Variants in TRAPPC9 observed in about 807,000 individuals in gnomAD.
TRAPPC9 encodes IKK2 binding protein.
Under a neutral mutation model 124.0 loss-of-function variants are expected in TRAPPC9, and 83 were observed. The observed-to-expected ratio is 0.67, with a 90% CI of 0.56 to 0.80. TRAPPC9 has a LOEUF of 0.80. TRAPPC9 is among the 30% of genes least tolerant of loss of function. TRAPPC9 has a pLI of 0.00. For synonymous variants in TRAPPC9, 638 were observed against 617.5 expected, an observed-to-expected ratio of 1.03 and a Z score of -0.49; for missense variants, 1,302 against 1,508.3, an observed-to-expected ratio of 0.86 and a Z score of 2.27.
chr8:140,324,790 TA>T (rs2066695182), intron 9 of TRAPPC9, among the ~76,000 whole-genome samples: 1 of 152,092 alleles, frequency 6.6e-6, no homozygotes, highest in Non-Finnish European at 1.5e-5. Flanking sequence ...AAGTGAAATT[TA>T]AAAACTTTTT....
rs75987115 is a variant in TRAPPC9, at chr8:140,291,308, C to T, written c.1769-230G>A. ...GCCACATGAATGGCGCTTGTCACTG[C>T]CTTCGGCGGGCTGCATTCATGCTGG... is the stretch of plus-strand genomic sequence containing the variant. On this transcript the variant is annotated intron_variant, in intron 11 of 22. Transcript: ENST00000438773. 2,731 of 592,328 alleles carry T rather than the reference C, an allele frequency of 4.6e-3. 55 individuals carry two copies. Among genetic ancestry groups the T allele is most frequent in the African/African-American group, 0.046 (2,466 of 54,138 alleles). The allele number at this position is 592,328 out of a possible 1,614,324, so 36.7% of individuals were successfully genotyped here.
intron 17 of TRAPPC9, among the ~76,000 whole-genome samples, chr8:140,101,541 G>GTTTTTTTTT (rs11387005): frequency 1.7e-5 from 2 of 114,954 alleles, no homozygotes; most frequent in Non-Finnish European, 3.3e-5. Context: ...TCTTTTTTTT[G>GTTTTTTTTT]TTTTTTTTTT....
intron 21 of TRAPPC9, among the ~76,000 whole-genome samples, chr8:139,869,988 C>G (rs1283556030): frequency 6.6e-6 from 1 of 151,670 alleles, no homozygotes; most frequent in African/African-American, 2.4e-5. Context: ...AATATGCAAC[C>G]CACAGGTAGA....
chr8:139,750,153 A>G (rs115199175), intron 21 of TRAPPC9, among the ~76,000 whole-genome samples: 2,067 of 152,200 alleles, frequency 0.014, 40 homozygotes, highest in African/African-American at 0.047. Flanking sequence ...TCAGTCCTGA[A>G]GCATCCACCA....
chr8:139,925,705 G>A (rs990885212), intron 19 of TRAPPC9, among the ~76,000 whole-genome samples: 8 of 150,442 alleles, frequency 5.3e-5, no homozygotes, highest in Non-Finnish European at 8.8e-5. Flanking sequence ...CTGAGATCAC[G>A]TCACTGCACT....
chr8:139,791,784 T>C (rs757857658), intron 21 of TRAPPC9, among the ~76,000 whole-genome samples: 4 of 152,140 alleles, frequency 2.6e-5, no homozygotes, highest in Non-Finnish European at 4.4e-5. Context: ...TGCTGGCACA[T>C]TAGAACCCCA....
intron 17 of TRAPPC9, among the ~76,000 whole-genome samples, chr8:140,046,847 C>T (rs1181306746): frequency 2.0e-5 from 3 of 151,026 alleles, no homozygotes; most frequent in African/African-American, 7.3e-5. Flanking sequence ...CTTAGCTCCA[C>T]AAGCAACCAA....
At chr8:139,823,875 C>G (rs923785519) in intron 21 of TRAPPC9, among the ~76,000 whole-genome samples, 1 of 152,344 alleles carries the variant, frequency 6.6e-6, no homozygotes, top group African/African-American at 2.4e-5. Flanking sequence ...CAAGCCCACA[C>G]CTGCTCCCTC....
Position 140,073,390 on chromosome 8 carries a change from A to G in TRAPPC9, c.2557-49311T>C, listed in dbSNP as rs78422086. ...ATTGAGCAATAAAAAGAAATGAACT[A>G]CTGATACAACAACTGGGATAATCTC... On this transcript the variant is annotated intron_variant, in intron 17 of 22. Coordinates refer to ENST00000438773, the MANE Select transcript of TRAPPC9 (RefSeq NM_001160372.4). Among the ~76,000 whole-genome samples the G allele has an allele frequency of 2.2e-3, 331 of 152,376 alleles. 8 individuals carry two copies. The East Asian group carries it at 0.056, about 26-fold the overall frequency.
intron 9 of TRAPPC9, among the ~76,000 whole-genome samples, chr8:140,329,675 C>T (rs1291738916): frequency 1.3e-5 from 2 of 152,168 alleles, no homozygotes; most frequent in African/African-American, 2.4e-5. Flanking sequence ...GCTCTTTCTA[C>T]CATATTAAGC....
intron 17 of TRAPPC9, among the ~76,000 whole-genome samples, chr8:140,185,161 G>A (rs4478550): frequency 0.086 from 13,107 of 152,136 alleles, 1,451 homozygotes; most frequent in African/African-American, 0.26. Flanking sequence ...CGCTGAGTAC[G>A]GTAGAAGACA....
intron 17 of TRAPPC9, among the ~76,000 whole-genome samples, chr8:140,055,349 G>A (rs912537677): frequency 2.0e-5 from 3 of 152,116 alleles, no homozygotes; most frequent in Non-Finnish European, 1.5e-5. Context: ...CAACGAGCCA[G>A]GAATGGGAAG....
chr8:140,249,709 T>C (rs961622455), intron 16 of TRAPPC9, among the ~76,000 whole-genome samples: 2 of 149,726 alleles, frequency 1.3e-5, no homozygotes, highest in African/African-American at 4.9e-5. Context: ...GTTCACGCCA[T>C]TCTCCCACCT....
At chr8:139,872,116 A>G (rs1399899017) in intron 21 of TRAPPC9, among the ~76,000 whole-genome samples, 9 of 117,886 alleles carry the variant, frequency 7.6e-5, no homozygotes, top group African/African-American at 1.3e-4. Context: ...GGATGGATGG[A>G]TGGGTGGGCT....
intron 16 of TRAPPC9, among the ~76,000 whole-genome samples, chr8:140,225,517 A>G (rs2063428782): frequency 6.6e-6 from 1 of 152,176 alleles, no homozygotes; most frequent in Admixed American, 6.5e-5. Context: ...CATTTCTCTC[A>G]GCACCATGGA....
chr8:140,246,322 T>C (rs947960297), intron 16 of TRAPPC9, among the ~76,000 whole-genome samples: 1 of 152,204 alleles, frequency 6.6e-6, no homozygotes, highest in African/African-American at 2.4e-5. Flanking sequence ...TGGTTATTTT[T>C]CTCTGAGTGA....
At position 140,063,330 on chromosome 8, in the gene TRAPPC9, C is replaced by T. The variant is rs7830243; in HGVS notation, c.2557-39251G>A. Among the ~76,000 whole-genome samples, 3,241 of 152,320 alleles carry T rather than the reference C, an allele frequency of 0.021. 110 individuals are homozygous for T. Among genetic ancestry groups the T allele is most frequent in the African/African-American group, 0.073 (3,031 of 41,552 alleles). On this transcript the variant is annotated intron_variant, in intron 17 of 22. Coordinates refer to ENST00000438773, the MANE Select transcript of TRAPPC9 (RefSeq NM_001160372.4). The surrounding 1 kb of genome is among the most constrained non-coding windows in gnomAD (Gnocchi z 4.3). Reference sequence around the variant, plus strand: ...TGGCCTTCCGCTTCCTGTGCTCTCACCTCACGTCACCACGCAGTCAATTCT... The same window carrying T: ...TGGCCTTCCGCTTCCTGTGCTCTCATCTCACGTCACCACGCAGTCAATTCT...
At chr8:140,071,442 C>T (rs1843153550) in intron 17 of TRAPPC9, among the ~76,000 whole-genome samples, 1 of 152,202 alleles carries the variant, frequency 6.6e-6, no homozygotes, top group Non-Finnish European at 1.5e-5. Context: ...AGGCACTTTC[C>T]CTGGAAGAGT....
rs1480983795 is a variant in TRAPPC9 at position 140,451,001 on chromosome 8, C to T, written c.373G>A (p.Val125Met). ...LFVFGLQGEI[V>M]EQPRTDVAFY... Reference sequence around the variant, plus strand: ...GCCACGTCGGTGCGCGGCTGCTCCACGATCTCCCCCTGCAGCCCGAAGACA... The same window carrying T: ...GCCACGTCGGTGCGCGGCTGCTCCATGATCTCCCCCTGCAGCCCGAAGACA... The change falls in exon 2 of 23, where the codon GTG (valine) becomes ATG (methionine). Residue 125 changes from valine (V) to methionine (M), a missense_variant. By Grantham distance (21) the Val-to-Met change is conservative. Around this residue, in one of 3 missense-constraint regions of TRAPPC9, gnomAD observed 657 missense variants for 811.2 expected, o/e 0.81. Transcript: ENST00000438773. 4 of 1,614,008 alleles carry T rather than the reference C, an allele frequency of 2.5e-6. No individual in the cohort carries two copies. The highest frequency in any genetic ancestry group is 3.4e-6 in the Non-Finnish European group (4 of 1,180,036).
Sources: gnomAD v4.1 joint callset for allele counts (sites outside exome capture counted in the v4.1 genomes callset) on GRCh38, gnomAD v4.1.1 for gene constraint, gnomAD v4.1.1 regional missense constraint, Gnocchi (gnomAD v3.1) non-coding constraint, MANE v1.5 for transcripts, NCBI Gene and HGNC (gene_info 2026-07-23, HGNC 2026-07-21) for gene names.